Variants in CCDC14 observed in about 807,000 individuals in gnomAD.
CCDC14 encodes the protein coiled-coil domain containing 14, also known as coiled-coil domain-containing protein 14.
In CCDC14, 71 loss-of-function variants were observed where a neutral mutation model predicts 81.4. The ratio of observed to expected loss-of-function variants is 0.87; its 90% CI spans 0.72 to 1.06. CCDC14 has a LOEUF of 1.06. Ranked by LOEUF, CCDC14 falls within the 50% of genes least tolerant of loss-of-function variation. The probability of loss-of-function intolerance (pLI) is 0.00; values close to 1 mark genes in which losing one functional copy is unlikely to be tolerated. For synonymous variants in CCDC14, 332 were observed against 364.8 expected (o/e 0.91, Z 1.03); for missense variants, 1,046 against 1,047.3 (o/e 1.00, Z 0.02).
intron 5 of CCDC14, among the ~76,000 whole-genome samples, chr3:123,907,941 T>C (rs1181787525): frequency 6.6e-6 from 1 of 151,852 alleles, no homozygotes; most frequent in African/African-American, 2.4e-5. Context: ...CTTCTTAGTT[T>C]CTGCAAAAGG....
intron 5 of CCDC14, among the ~76,000 whole-genome samples, chr3:123,907,677 C>T (rs759388349): frequency 6.6e-6 from 1 of 151,910 alleles, no homozygotes; most frequent in Non-Finnish European, 1.5e-5. Flanking sequence ...TGCACTCCAG[C>T]CTGGGCGACA....
chr3:123,916,086 C>T (rs1027599787), intron 12 of CCDC14, among the ~76,000 whole-genome samples: 6 of 151,256 alleles, frequency 4.0e-5, no homozygotes, highest in African/African-American at 1.5e-4. Context: ...GAAACTTCTG[C>T]CTCCCAGGTT....
chr3:123,943,084 T>A (rs1435205877), intron 9 of CCDC14, among the ~76,000 whole-genome samples: 2 of 151,842 alleles, frequency 1.3e-5, no homozygotes, highest in African/African-American at 4.8e-5. Context: ...TAAATGTGTG[T>A]GGTGTGTGTG....
intron 5 of CCDC14, among the ~76,000 whole-genome samples, chr3:123,905,908 G>A (rs539745639): frequency 6.6e-6 from 1 of 152,284 alleles, no homozygotes; most frequent in South Asian, 2.1e-4. Flanking sequence ...GAGAGTATTG[G>A]AAATATGAAG....
At chr3:123,912,507 T>C (rs2034471182), downstream of CCDC14, among the ~76,000 whole-genome samples, 1 of 152,228 alleles carries the variant, frequency 6.6e-6, no homozygotes. Context: ...TTGATTTTTC[T>C]ATCCTCTGTA....
At chr3:123,886,925 C>T in the CCDC14 span, among the ~76,000 whole-genome samples, 33 of 152,156 alleles carry the variant, frequency 2.2e-4, no homozygotes, top group African/African-American at 7.7e-4. Flanking sequence ...ACATATATTA[C>T]ATTAGGACCT....
rs1295591716 is a variant in CCDC14 at position 123,914,992 on chromosome 3, T to C, written c.2505A>G (p.Pro835=). Residue 835 remains proline, a synonymous_variant, in exon 13 of 13, where the codon CCA becomes CCG. Coordinates refer to ENST00000409697, the MANE Select transcript of CCDC14 (RefSeq NM_001366335.1). ...GAAGGCTGTTGCTAAGACAACCTGA[T>C]GGGCCATGACATGCAGTTTGTTCCT... is the stretch of plus-strand genomic sequence containing the variant. ...EPEEQTACHG[P]SGCLSNSLQV... is the part of the protein sequence containing the mutation. 6.2e-7 allele frequency: 1 copy of C among 1,613,930 alleles called. No individual in the cohort carries two copies. Among genetic ancestry groups the C allele is most frequent in the Non-Finnish European group, 8.5e-7 (1 of 1,179,900 alleles).
intron 5 of CCDC14, chr3:123,952,644 A>C (rs2148946691): frequency 1.9e-6 from 1 of 527,458 alleles, no homozygotes; most frequent in Admixed American, 1.9e-5. Flanking sequence ...TGATCATATC[A>C]TCCCAGATAG....
chr3:123,926,368 C>G (rs945336478), intron 12 of CCDC14, among the ~76,000 whole-genome samples: 5 of 151,752 alleles, frequency 3.3e-5, no homozygotes, highest in Admixed American at 1.3e-4. Flanking sequence ...CATAATTCAG[C>G]TAAAGACACT....
chr3:123,944,824 A>C (rs1336277029), intron 9 of CCDC14, 25 bp downstream of exon 9: 1 of 1,589,508 alleles, frequency 6.3e-7, no homozygotes, highest in Non-Finnish European at 8.6e-7. Context: ...CATACAGACA[A>C]AAATATTCAA....
chr3:123,933,876 T>G (rs964573816), intron 9 of CCDC14, 121 bp from the exon 10 acceptor site: 7 of 619,514 alleles, frequency 1.1e-5, no homozygotes, highest in Non-Finnish European at 1.7e-5. Flanking sequence ...GTCCATCTCA[T>G]CCCCAAAAGA....
chr3:123,935,660 A>G (rs2036018461), intron 9 of CCDC14, among the ~76,000 whole-genome samples: 1 of 152,232 alleles, frequency 6.6e-6, no homozygotes, highest in South Asian at 2.1e-4. Context: ...GCAGAACAAC[A>G]GTATAATGTG....
At chr3:123,912,555 G>A (rs535544782), downstream of CCDC14, among the ~76,000 whole-genome samples, 2 of 152,074 alleles carry the variant, frequency 1.3e-5, no homozygotes, top group East Asian at 1.9e-4. Flanking sequence ...AAAAATTTTC[G>A]TCAATTTGCC....
chr3:123,888,907 C>A, the CCDC14 span, among the ~76,000 whole-genome samples: 1 of 152,120 alleles, frequency 6.6e-6, no homozygotes, highest in Admixed American at 6.6e-5. Flanking sequence ...AATTTCATGT[C>A]CTGCTCACAT....
downstream of CCDC14, chr3:123,897,309 A>T (rs115528102): frequency 0.014 from 2,139 of 152,998 alleles, 45 homozygotes; most frequent in African/African-American, 0.048. Flanking sequence ...GGCATCTTTC[A>T]GGAAAAGACT....
Position 123,931,406 on chromosome 3 carries a change from T to A in CCDC14, c.1547A>T (p.Asp516Val), listed in dbSNP as rs1271758083. ...TATACTACTAAATTTTTTGTTTTCA[T>A]CTTTCTGATTTTCAATCACTTTTAA... The part of the protein sequence containing the change: ...ELLKVIENQK[D>V]ENKKFSSIFK... Residue 516 changes from aspartate to valine, a missense_variant, in exon 11 of 13, where the codon GAT becomes GTT. By Grantham distance (152) the Asp-to-Val change is radical. Transcript: ENST00000409697. The A allele has an allele frequency of 6.5e-7, 1 of 1,546,634 alleles. No individual in the cohort carries two copies. Among genetic ancestry groups the A allele is most frequent in the East Asian group, 2.4e-5 (1 of 41,612 alleles).
In CCDC14 at chr3:123,933,246, A is replaced by G. The variant is rs554739437; in HGVS notation, c.1426+427T>C. Reference sequence around the variant, plus strand: ...GGACCATATTATGGTAGACCTGGATAAGCAGAATACCCAAGTAATTCTTAA... The same window carrying G: ...GGACCATATTATGGTAGACCTGGATGAGCAGAATACCCAAGTAATTCTTAA... On this transcript the variant is annotated intron_variant, in intron 10 of 12. Transcript: ENST00000409697. Among the ~76,000 whole-genome samples, 3 of 152,368 alleles carry G rather than the reference A, an allele frequency of 2.0e-5. No individual in the cohort carries two copies. In the South Asian group the frequency reaches 6.2e-4, roughly 32 times the overall value.
At chr3:123,952,547 A>C (rs2037078104) in intron 5 of CCDC14, 2 of 510,458 alleles carry the variant, frequency 3.9e-6, no homozygotes, top group African/African-American at 3.9e-5. Context: ...CAATTCTGGA[A>C]GGGCTTCTCT....
chr3:123,913,403 G>A (rs1351915252), downstream of CCDC14: 1 of 983,296 alleles, frequency 1.0e-6, no homozygotes, highest in African/African-American at 1.7e-5. Context: ...AAATATTTGG[G>A]AGTAGACAGA....
Sources: allele counts gnomAD v4.1 joint callset (sites outside exome capture counted in the v4.1 genomes callset), GRCh38; gene constraint gnomAD v4.1.1; transcripts MANE v1.5; gene names NCBI Gene and HGNC (gene_info 2026-07-23, HGNC 2026-07-21).